TOP1MT: variants seen among roughly 807,000 people sequenced by gnomAD.
TOP1MT encodes the protein DNA topoisomerase I, mitochondrial.
A neutral mutation model predicts 73.9 loss-of-function variants in TOP1MT; 80 were observed. That is an observed-to-expected ratio of 1.08 (90% CI 0.90 to 1.30). The LOEUF (loss-of-function observed/expected upper bound fraction) is 1.30. Ranked by LOEUF, TOP1MT falls within the 50% of genes most tolerant of loss-of-function variation. The pLI is 0.00. For missense variants in TOP1MT, 815 were observed against 808.0 expected, an observed-to-expected ratio of 1.01 and a Z score of -0.10; for synonymous variants, 338 against 326.4, an observed-to-expected ratio of 1.04 and a Z score of -0.38.
chr8:143,324,447 T>A (rs775271910), intron 6 of TOP1MT, 38 bp downstream of exon 6: 2 of 1,613,110 alleles, frequency 1.2e-6, no homozygotes, highest in South Asian at 2.2e-5. Flanking sequence ...CAGGGGGACC[T>A]CCTGGGGAGG....
At position 143,341,808 on chromosome 8, in the gene TOP1MT, T is replaced by C. The variant is rs2931720; in HGVS notation, c.29+1412A>G. ...ACTATCCCGACACCACTGCCCCATC[T>C]AGTGCTTCCTTCTTCCTTCTTCTTC... On this transcript the variant is annotated intron_variant, in intron 2 of 5. Transcript: ENST00000518007. This position sits in a 1 kb window ranked among gnomAD's most constrained non-coding sequence, Gnocchi z 4.1. Among the ~76,000 whole-genome samples, 18,076 of 151,822 alleles carry C rather than the reference T, an allele frequency of 0.12. 3,629 individuals are homozygous for C. The highest frequency in any genetic ancestry group is 0.41 in the African/African-American group (17,030 of 41,220).
chr8:143,315,026 T>C (rs955386721), intron 12 of TOP1MT, among the ~76,000 whole-genome samples: 7 of 152,102 alleles, frequency 4.6e-5, no homozygotes, highest in African/African-American at 7.2e-5. Context: ...AAGATGCCTA[T>C]TGCCAGGCCA....
At chr8:143,319,185 G>A (rs1363639939) in intron 8 of TOP1MT, among the ~76,000 whole-genome samples, 1 of 152,178 alleles carries the variant, frequency 6.6e-6, no homozygotes, top group Non-Finnish European at 1.5e-5. Context: ...GCCGGGCCCT[G>A]CCAGGGACTC....
intron 12 of TOP1MT, among the ~76,000 whole-genome samples, chr8:143,312,321 C>A (rs1000063713): frequency 6.6e-6 from 1 of 152,088 alleles, no homozygotes; most frequent in African/African-American, 2.4e-5. Context: ...AAAACCTCAA[C>A]AAAATATCAG....
chr8:143,328,574 G>A (rs758651916), intron 3 of TOP1MT, among the ~76,000 whole-genome samples: 7 of 152,246 alleles, frequency 4.6e-5, no homozygotes, highest in African/African-American at 1.4e-4. Flanking sequence ...CTAGTAAGCT[G>A]GACACACGTG....
intron 2 of TOP1MT, among the ~76,000 whole-genome samples, chr8:143,342,745 C>CTATTATTATTATTAT (rs1248774108): frequency 8.2e-6 from 1 of 122,038 alleles, no homozygotes; most frequent in African/African-American, 2.9e-5. Flanking sequence ...GAGTCTCGCT[C>CTATTATTATTATTAT]TGTTATTATT....
At position 143,309,344 on chromosome 8, in the gene TOP1MT, C is replaced by A. The variant is rs1815938443; in HGVS notation, c.*97G>T. 2.3e-6 allele frequency: 3 copies of A among 1,319,194 alleles called. No homozygotes were observed. In the Admixed American group the frequency reaches 5.9e-5, roughly 26 times the overall value. The allele number at this position is 1,319,194 out of a possible 1,614,324, so 81.7% of individuals were successfully genotyped here. On this transcript the variant is annotated 3_prime_UTR_variant, in exon 14 of 14. Coordinates refer to ENST00000329245, the MANE Select transcript of TOP1MT (RefSeq NM_052963.3). ...GGGACTTTTTCTAGTGATGTACAAG[C>A]ACTTGCACACATTTTATTGTACAAA...
chr8:143,341,911 GTTATTA>G lies in TOP1MT; in HGVS notation c.29+1303_29+1308del, dbSNP rs202227978. ...CTTATTAGCGACAGAGTCTCACTCT[GTTATTA>G]TTATTATTATTGAGACAGAGTCTCG... On this transcript the variant is annotated intron_variant, in intron 2 of 5. Coordinates refer to the TOP1MT transcript ENST00000518007. This position sits in a 1 kb window ranked among gnomAD's most constrained non-coding sequence, Gnocchi z 4.1. Among the ~76,000 whole-genome samples, 258 of 151,398 alleles carry G rather than the reference GTTATTA, an allele frequency of 1.7e-3. 1 individual carries two copies. The highest frequency in any genetic ancestry group is 5.6e-3 in the African/African-American group (231 of 41,068).
Position 143,354,450 on chromosome 8 carries a change from C to T in TOP1MT, c.-39+1515G>A, listed in dbSNP as rs929782398. ...AACGTTAGCCGGGCGTGGTGGCTCA[C>T]GCCTGTAATCCCAGCACTATGGGAG... On this transcript the variant is annotated intron_variant, in intron 1 of 5. Coordinates refer to the TOP1MT transcript ENST00000518760. Among the ~76,000 whole-genome samples the T allele has an allele frequency of 2.6e-5, 4 of 151,946 alleles. No homozygotes were observed. The East Asian group carries it at 5.8e-4, about 22-fold the overall frequency.
In TOP1MT at chr8:143,326,429, G is replaced by A. The variant is rs113758095; in HGVS notation, c.361-85C>T. 6.3e-4 allele frequency: 993 copies of A among 1,574,228 alleles called. 13 individuals carry two copies. The African/African-American group carries it at 0.012, about 19-fold the overall frequency. On this transcript the variant is annotated intron_variant, in intron 3 of 13. Coordinates refer to ENST00000329245, the MANE Select transcript of TOP1MT (RefSeq NM_052963.3). ...CTCGCCATGTCTGACGGACAGAAAC[G>A]CGCTCTCGCCATGTCCGACGGAGGC...
At chr8:143,325,707 C>T (rs990377294) in intron 4 of TOP1MT, among the ~76,000 whole-genome samples, 174 bp from the exon 5 acceptor site, 1 of 152,188 alleles carries the variant, frequency 6.6e-6, no homozygotes, top group Non-Finnish European at 1.5e-5. Context: ...GGTGGGCTTG[C>T]AGGGGGCACC....
Position 143,318,080 on chromosome 8 carries a change from T to C in TOP1MT, c.1153A>G (p.Lys385Glu), listed in dbSNP as rs761505140. ...TTCTCCATAAAGAGCTGTAAGTTCT[T>C]GTACACCTGAAGGAGAAAGAAGGAA... ...NRVPVEKPVY[K>E]NLQLFMENKD... is the part of the protein sequence containing the mutation. The change falls in exon 9 of 14, where the codon AAG (lysine) becomes GAG (glutamate). Residue 385 changes from lysine (K) to glutamate (E), a missense_variant. This residue lies in a region of TOP1MT where 751 missense variants were observed against 725.4 expected (regional missense o/e 1.04). Transcript: ENST00000329245. 6.2e-6 allele frequency: 10 copies of C among 1,613,996 alleles called. No homozygotes were observed. Among genetic ancestry groups the C allele is most frequent in the Admixed American group, 1.7e-5 (1 of 60,016 alleles).
At chr8:143,320,675 C>T (rs924278591) in intron 8 of TOP1MT, among the ~76,000 whole-genome samples, 1 of 152,140 alleles carries the variant, frequency 6.6e-6, no homozygotes, top group African/African-American at 2.4e-5. Context: ...TGTGAGAACA[C>T]GCAGAGGCAG....
In TOP1MT at chr8:143,322,747, GCACGCACGCCACA is replaced by G. The variant is rs1816519804; in HGVS notation, c.960+1239_960+1251del. 3.0e-4 allele frequency among the ~76,000 whole-genome samples: 2 copies of G among 6,572 alleles called. 1 individual carries two copies. Among genetic ancestry groups the G allele is most frequent in the Non-Finnish European group, 4.9e-4 (2 of 4,088 alleles). The allele number at this position is 6,572 out of a possible 152,430, so 4.3% of individuals were successfully genotyped here. A position where few individuals can be genotyped will look rare whatever the true frequency, so the allele number is the denominator to read the frequency against. On this transcript the variant is annotated intron_variant, in intron 7 of 13. Coordinates refer to ENST00000329245, the MANE Select transcript of TOP1MT (RefSeq NM_052963.3). ...CAGGCACGCCACACACGCCACACAC[GCACGCACGCCACA>G]CACGCACGCCACACACAGGCACGCC...
chr8:143,359,440 C>T (rs1484640896), upstream of TOP1MT: 11 of 985,154 alleles, frequency 1.1e-5, no homozygotes, highest in Non-Finnish European at 1.2e-5. Context: ...CCATCAGCGA[C>T]GGCCGTTTCC....
Position 143,354,195 on chromosome 8 carries a change from T to C in TOP1MT, c.-39+1770A>G, listed in dbSNP as rs563768347. 2.6e-5 allele frequency among the ~76,000 whole-genome samples: 4 copies of C among 152,016 alleles called. 1 individual carries two copies. Among genetic ancestry groups the C allele is most frequent in the African/African-American group, 9.7e-5 (4 of 41,356 alleles). Reference sequence around the variant, plus strand: ...GACGAACGGATCAACGAATCCCAGATATACACGCAGCAGGGTGTTTTCGGC... The same window carrying C: ...GACGAACGGATCAACGAATCCCAGACATACACGCAGCAGGGTGTTTTCGGC... On this transcript the variant is annotated intron_variant, in intron 1 of 5. Transcript: ENST00000518760.
rs780848587 is a variant in TOP1MT, at chr8:143,321,306, G to C, written c.1041C>G (p.His347Gln). 6.8e-6 allele frequency: 11 copies of C among 1,612,350 alleles called. No homozygotes were observed. In the South Asian group the frequency reaches 1.2e-4, roughly 18 times the overall value. The change falls in exon 8 of 14, where the codon CAC becomes CAG. Residue 347 changes from histidine (H) to glutamine (Q), a missense_variant. His to Gln is a conservative substitution (Grantham distance 24). Around this residue, in one of 3 missense-constraint regions of TOP1MT, gnomAD observed 751 missense variants for 725.4 expected, o/e 1.04. Coordinates refer to ENST00000329245, the MANE Select transcript of TOP1MT (RefSeq NM_052963.3). ...CATCGGCCTCCGGGTGCAGCTGGACGTGCTCCACGCGGAGGGAACAGCAGC... is the reference window on the plus strand; with the variant it reads ...CATCGGCCTCCGGGTGCAGCTGGACCTGCTCCACGCGGAGGGAACAGCAGC... ...TVGCCSLRVE[H>Q]VQLHPEADGC...
chr8:143,320,872 G>A (rs1444960949), intron 8 of TOP1MT, among the ~76,000 whole-genome samples: 2 of 151,908 alleles, frequency 1.3e-5, no homozygotes, highest in Middle Eastern at 3.2e-3. Context: ...AGGGCTGAGC[G>A]ACAATAAACG....
rs1300480131 is a variant in TOP1MT at position 143,321,127 on chromosome 8, G to C, written c.1146+74C>G. 4 of 1,453,622 alleles carry C rather than the reference G, an allele frequency of 2.8e-6. No homozygotes were observed. The African/African-American group carries it at 4.2e-5, about 15-fold the overall frequency. The allele number at this position is 1,453,622 out of a possible 1,614,324, so 90.0% of individuals were successfully genotyped here. A position where few individuals can be genotyped will look rare whatever the true frequency, so the allele number is the denominator to read the frequency against. On this transcript the variant is annotated intron_variant, in intron 8 of 13. Transcript: ENST00000329245. The stretch of plus-strand genomic sequence containing the variant: ...CAAACGGGCCACAGACCCCACGGCA[G>C]CTCCGGCACGCCCCCAGACATCCAG...
Sources: gnomAD v4.1 joint callset for allele counts (sites outside exome capture counted in the v4.1 genomes callset) on GRCh38, gnomAD v4.1.1 for gene constraint, gnomAD v4.1.1 regional missense constraint, Gnocchi (gnomAD v3.1) non-coding constraint, MANE v1.5 for transcripts, NCBI Gene and HGNC (gene_info 2026-07-23, HGNC 2026-07-21) for gene names.